Variants in THSD4 observed in about 807,000 individuals in gnomAD.
THSD4 encodes the protein thrombospondin type 1 domain containing 4, also known as thrombospondin type-1 domain-containing protein 4.
In THSD4, 69 loss-of-function variants were observed where a neutral mutation model predicts 119.0. The observed-to-expected ratio is 0.58, with a 90% CI of 0.48 to 0.71. The LOEUF (loss-of-function observed/expected upper bound fraction) is 0.71. Ranked by LOEUF, THSD4 falls within the 30% of genes least tolerant of loss-of-function variation. THSD4 has a pLI of 0.00. For missense variants in THSD4, 1,393 were observed against 1,391.1 expected (o/e 1.00, Z -0.02); for synonymous variants, 524 against 540.4 (o/e 0.97, Z 0.42).
At position 71,361,524 on chromosome 15, in the gene THSD4, T is replaced by C. The variant is rs141527776; in HGVS notation, c.1016-50163T>C. ...ATATCACCTGTGATCGTTGAAGATA[T>C]GGGCTTCCTCATACATTTCCAATGG... On this transcript the variant is annotated intron_variant, in intron 6 of 17. Coordinates refer to ENST00000261862, the MANE Select transcript of THSD4 (RefSeq NM_024817.3). Among the ~76,000 whole-genome samples the C allele has an allele frequency of 5.2e-3, 792 of 152,348 alleles. 2 individuals carry two copies. The highest frequency in any genetic ancestry group is 8.7e-3 in the Non-Finnish European group (595 of 68,042).
intron 1 of THSD4, among the ~76,000 whole-genome samples, chr15:71,116,587 C>T (rs563923526): frequency 3.3e-5 from 5 of 152,330 alleles, no homozygotes; most frequent in African/African-American, 1.2e-4. Context: ...ATCTCTACCA[C>T]GCTGCGCTTC....
rs566288975 is a variant in THSD4, at chr15:71,140,096, C to T, written c.-79-1353C>T. Among the ~76,000 whole-genome samples, 24 of 152,382 alleles carry T rather than the reference C, an allele frequency of 1.6e-4. No homozygotes were observed. In the South Asian group the frequency reaches 5.0e-3, roughly 32 times the overall value. ...GCGAGAGATTTTACCTCCATGTTTTCACTGTGACAACGTATTTTAAGTGTT... is the reference window on the plus strand; with the variant it reads ...GCGAGAGATTTTACCTCCATGTTTTTACTGTGACAACGTATTTTAAGTGTT... On this transcript the variant is annotated intron_variant, in intron 1 of 17. Transcript: ENST00000261862.
chr15:71,450,974 T>C (rs1208746052), intron 7 of THSD4, among the ~76,000 whole-genome samples: 1 of 152,072 alleles, frequency 6.6e-6, no homozygotes, highest in East Asian at 1.9e-4. Context: ...GGTCAGGAGT[T>C]TGAGACCAGC....
At chr15:71,609,210 G>A (rs1186028780) in intron 7 of THSD4, among the ~76,000 whole-genome samples, 1 of 152,128 alleles carries the variant, frequency 6.6e-6, no homozygotes, top group Admixed American at 6.5e-5. Flanking sequence ...ATGTAATGTA[G>A]GTTATTAATG....
At chr15:71,114,956 C>A (rs2040342761), upstream of THSD4, 1 of 152,304 alleles carries the variant, frequency 6.6e-6, no homozygotes, top group Admixed American at 6.5e-5. Context: ...ACCAGGGCTC[C>A]TTCCTGCCCT....
chr15:71,321,034 A>G (rs1247273355), intron 6 of THSD4, among the ~76,000 whole-genome samples: 2 of 152,230 alleles, frequency 1.3e-5, no homozygotes, highest in African/African-American at 4.8e-5. Context: ...TAAACAGAGT[A>G]TATTGTGAAG....
At chr15:71,441,835 C>T (rs1442370359) in intron 7 of THSD4, among the ~76,000 whole-genome samples, 1 of 152,138 alleles carries the variant, frequency 6.6e-6, no homozygotes, top group African/African-American at 2.4e-5. Context: ...GAGAGCAGTA[C>T]TGACCCCGCA....
In THSD4 at chr15:71,174,960, G is replaced by T. The variant is rs2043433091; in HGVS notation, c.99+20028G>T. On this transcript the variant is annotated intron_variant, in intron 3 of 17. Coordinates refer to ENST00000261862, the MANE Select transcript of THSD4 (RefSeq NM_024817.3). Reference sequence around the variant, plus strand: ...TAGAAGGAAAACTAACAAACAGAAAGGACATCCACACCGAAAACCCATCTG... The same window carrying T: ...TAGAAGGAAAACTAACAAACAGAAATGACATCCACACCGAAAACCCATCTG... 2.0e-5 allele frequency among the ~76,000 whole-genome samples: 3 copies of T among 150,694 alleles called. No homozygotes were observed. In the South Asian group the frequency reaches 6.4e-4, roughly 32 times the overall value.
At chr15:71,385,230 C>A (rs1039411914) in intron 6 of THSD4, among the ~76,000 whole-genome samples, 2 of 152,152 alleles carry the variant, frequency 1.3e-5, no homozygotes, top group African/African-American at 4.8e-5. Flanking sequence ...CTGTGGAGTT[C>A]AGAACTCAAG....
At chr15:71,277,834 A>G (rs2140310761) in intron 6 of THSD4, among the ~76,000 whole-genome samples, 1 of 152,284 alleles carries the variant, frequency 6.6e-6, no homozygotes, top group African/African-American at 2.4e-5. Context: ...GATACCTCCC[A>G]GCCCTTTCTG....
intron 6 of THSD4, among the ~76,000 whole-genome samples, chr15:71,347,274 C>G (rs967621168): frequency 1.3e-5 from 2 of 152,040 alleles, no homozygotes; most frequent in Non-Finnish European, 2.9e-5. Flanking sequence ...ACTCCGTCAC[C>G]CTGAATGTAA....
At chr15:71,564,657 A>T (rs1357203692) in intron 7 of THSD4, among the ~76,000 whole-genome samples, 7 of 24,528 alleles carry the variant, frequency 2.9e-4, no homozygotes, top group Non-Finnish European at 5.1e-4. Flanking sequence ...CATATAATAC[A>T]ATATATAGTA....
chr15:71,599,209 A>T (rs2049962547), intron 7 of THSD4, among the ~76,000 whole-genome samples: 1 of 152,194 alleles, frequency 6.6e-6, no homozygotes, highest in Admixed American at 6.5e-5. Flanking sequence ...TTTGGAATCC[A>T]ATCTGTTGTC....
At chr15:71,566,155 T>C (rs899853833) in intron 7 of THSD4, among the ~76,000 whole-genome samples, 1 of 33,238 alleles carries the variant, frequency 3.0e-5, no homozygotes, top group Non-Finnish European at 7.1e-5. Context: ...TTTCTTTTTT[T>C]CTTTTTTTTT....
chr15:71,434,777 A>C (rs2046989925), intron 7 of THSD4, among the ~76,000 whole-genome samples: 1 of 152,204 alleles, frequency 6.6e-6, no homozygotes, highest in African/African-American at 2.4e-5. Context: ...TTCTAACCAC[A>C]GACCTTTCTT....
At chr15:71,692,889 G>A (rs1167379470) in intron 8 of THSD4, among the ~76,000 whole-genome samples, 2 of 152,162 alleles carry the variant, frequency 1.3e-5, no homozygotes, top group Admixed American at 1.3e-4. Flanking sequence ...TTAAAGAAAC[G>A]ATTTACAAGT....
chr15:71,284,925 G>A (rs897555970), intron 6 of THSD4, among the ~76,000 whole-genome samples: 1 of 151,752 alleles, frequency 6.6e-6, no homozygotes, highest in South Asian at 2.1e-4. Flanking sequence ...GATAAATAAA[G>A]CAAGCTTTCC....
rs67260180 is a variant in THSD4, at chr15:71,306,307, CAAAAAAAAAAAAAAAA to C, written c.1015+49608_1015+49623del. Among the ~76,000 whole-genome samples, 132 of 62,944 alleles carry C rather than the reference CAAAAAAAAAAAAAAAA, an allele frequency of 2.1e-3. 1 individual carries two copies. The highest frequency in any genetic ancestry group is 8.2e-3 in the African/African-American group (124 of 15,072). 41.3% of individuals were successfully genotyped at this position (62,944 alleles called of 152,430 possible). A position where few individuals can be genotyped will look rare whatever the true frequency, so the allele number is the denominator to read the frequency against. ...GGTGATAAGAGCAAGACTCTTGCCT[CAAAAAAAAAAAAAAAA>C]AAAAAAAAAAAAAAAGGGAATGGTA... On this transcript the variant is annotated intron_variant, in intron 6 of 17. Coordinates refer to ENST00000261862, the MANE Select transcript of THSD4 (RefSeq NM_024817.3).
intron 3 of THSD4, among the ~76,000 whole-genome samples, chr15:71,193,964 G>A (rs575063582): frequency 2.5e-4 from 38 of 152,240 alleles, no homozygotes; most frequent in African/African-American, 7.7e-4. Context: ...GCCCGCCTCC[G>A]CCTCCCAAAG....
Sources: gnomAD v4.1 joint callset for allele counts (sites outside exome capture counted in the v4.1 genomes callset) on GRCh38, gnomAD v4.1.1 for gene constraint, MANE v1.5 for transcripts, NCBI Gene and HGNC (gene_info 2026-07-23, HGNC 2026-07-21) for gene names.